SLC39A8: variants seen among roughly 807,000 people sequenced by gnomAD.
SLC39A8 encodes the protein solute carrier family 39 member 8, also known as metal cation symporter ZIP8.
Under a neutral mutation model 40.4 loss-of-function variants are expected in SLC39A8, and 15 were observed. The ratio of observed to expected loss-of-function variants is 0.37; its 90% CI spans 0.25 to 0.57. The LOEUF is 0.57. Ranked by LOEUF, SLC39A8 falls within the 20% of genes least tolerant of loss-of-function variation. The pLI is 0.75. For missense variants in SLC39A8, 472 were observed against 558.8 expected, an observed-to-expected ratio of 0.84 and a Z score of 1.57; for synonymous variants, 223 against 221.6, an observed-to-expected ratio of 1.01 and a Z score of -0.06.
At chr4:102,333,616 G>T (rs879400423) in intron 2 of SLC39A8, among the ~76,000 whole-genome samples, 1 of 152,168 alleles carries the variant, frequency 6.6e-6, no homozygotes, top group Non-Finnish European at 1.5e-5. Context: ...AGATGGAGTT[G>T]ATGAGTTTTG....
intron 6 of SLC39A8, among the ~76,000 whole-genome samples, chr4:102,274,948 G>A (rs1446536543): frequency 1.3e-5 from 2 of 152,162 alleles, no homozygotes; most frequent in African/African-American, 2.4e-5. Context: ...AGCTCTGAAG[G>A]AAGCAGTAAA....
intron 3 of SLC39A8, among the ~76,000 whole-genome samples, chr4:102,312,048 T>TA (rs1181404181): frequency 6.6e-6 from 1 of 152,064 alleles, no homozygotes; most frequent in Non-Finnish European, 1.5e-5. Flanking sequence ...TCTAGGCACT[T>TA]ACGTATATTA....
At chr4:102,265,976 G>A (rs886570161) in intron 8 of SLC39A8, among the ~76,000 whole-genome samples, 2 of 152,068 alleles carry the variant, frequency 1.3e-5, no homozygotes, top group South Asian at 2.1e-4. Flanking sequence ...AATCCTTCAC[G>A]TTTTACCTTA....
intron 6 of SLC39A8, among the ~76,000 whole-genome samples, chr4:102,285,042 T>C (rs2149018795): frequency 6.6e-6 from 1 of 152,328 alleles, no homozygotes; most frequent in South Asian, 2.1e-4. Context: ...AAAGGTTCGA[T>C]AAAGTCATGT....
intron 11 of SLC39A8, among the ~76,000 whole-genome samples, chr4:102,255,583 G>T (rs58379650): frequency 0.18 from 27,253 of 152,124 alleles, 2,731 homozygotes; most frequent in South Asian, 0.35. Context: ...AATTGACCCA[G>T]ACTGGGTGAC....
chr4:102,326,036 C>T (rs1044695434), intron 2 of SLC39A8, among the ~76,000 whole-genome samples: 1 of 152,186 alleles, frequency 6.6e-6, no homozygotes, highest in Non-Finnish European at 1.5e-5. Context: ...AGAGCACAGA[C>T]ACCCAATCTA....
intron 6 of SLC39A8, among the ~76,000 whole-genome samples, chr4:102,297,208 G>A (rs1458349397): frequency 6.6e-6 from 1 of 151,744 alleles, no homozygotes; most frequent in African/African-American, 2.4e-5. Context: ...GAGGAAGGCT[G>A]GTTAACAAAT....
In SLC39A8 at chr4:102,262,787, T is replaced by A. The variant is rs1731921693; in HGVS notation, c.*257A>T. The A allele has an allele frequency of 2.6e-5, 32 of 1,208,296 alleles. No homozygotes were observed. Among genetic ancestry groups the A allele is most frequent in the Non-Finnish European group, 3.2e-5 (31 of 968,704 alleles). 74.8% of individuals were successfully genotyped at this position (1,208,296 alleles called of 1,614,324 possible). Reference sequence around the variant, plus strand: ...GCTTCATGGTGATATCTAATATGCATGGAATACTGAAAAATAGGTATTTCC... The same window carrying A: ...GCTTCATGGTGATATCTAATATGCAAGGAATACTGAAAAATAGGTATTTCC... On this transcript the variant is annotated 3_prime_UTR_variant, in exon 9 of 9. Coordinates refer to ENST00000356736, the MANE Select transcript of SLC39A8 (RefSeq NM_001135146.2).
chr4:102,304,930 C>T, intron 5 of SLC39A8, 59 bp downstream of exon 5: 1 of 1,425,148 alleles, frequency 7.0e-7, no homozygotes, highest in Non-Finnish European at 9.5e-7. Flanking sequence ...TCTTTATTTG[C>T]CTATATAAAG....
chr4:102,278,364 G>T (rs748434768), intron 6 of SLC39A8, among the ~76,000 whole-genome samples: 7 of 152,200 alleles, frequency 4.6e-5, no homozygotes, highest in Non-Finnish European at 1.5e-5. Context: ...AGACATTTAT[G>T]TGGCCAACAA....
At chr4:102,337,375 A>G (rs1358615265) in intron 2 of SLC39A8, among the ~76,000 whole-genome samples, 1 of 152,196 alleles carries the variant, frequency 6.6e-6, no homozygotes, top group Non-Finnish European at 1.5e-5. Context: ...CCAAGATAAG[A>G]ATAAATCATG....
At chr4:102,264,140 AG>A (rs1232514290) in intron 8 of SLC39A8, among the ~76,000 whole-genome samples, 1 of 152,220 alleles carries the variant, frequency 6.6e-6, no homozygotes, top group African/African-American at 2.4e-5. Context: ...TACTTTGCCC[AG>A]ATGCATCAGA....
At chr4:102,292,444 G>C (rs1733486842) in intron 6 of SLC39A8, among the ~76,000 whole-genome samples, 1 of 152,002 alleles carries the variant, frequency 6.6e-6, no homozygotes. Context: ...TGTTCTCTTA[G>C]TCTATTCTGG....
chr4:102,282,700 T>C (rs1010534831), intron 6 of SLC39A8, among the ~76,000 whole-genome samples: 1 of 152,116 alleles, frequency 6.6e-6, no homozygotes, highest in Non-Finnish European at 1.5e-5. Context: ...TCCTCCTCTA[T>C]TCTAGTGATC....
In SLC39A8 at chr4:102,328,173, A is replaced by C. The variant is rs1397296252; in HGVS notation, c.220-12343T>G. On this transcript the variant is annotated intron_variant, in intron 2 of 8. Coordinates refer to ENST00000356736, the MANE Select transcript of SLC39A8 (RefSeq NM_001135146.2). ...GTTTTTTATGTGTGTAATTGGACCC[A>C]TGGAAATGCATGAATACCTATTCCA... Among the ~76,000 whole-genome samples, 10 of 152,208 alleles carry C rather than the reference A, an allele frequency of 6.6e-5. No homozygotes were observed. In the East Asian group the frequency reaches 1.9e-3, roughly 29 times the overall value.
At chr4:102,289,429 T>C (rs1481340543) in intron 6 of SLC39A8, among the ~76,000 whole-genome samples, 7 of 152,258 alleles carry the variant, frequency 4.6e-5, no homozygotes, top group Admixed American at 1.3e-4. Context: ...CTGAAGTCCA[T>C]GGGTCAAGGA....
intron 2 of SLC39A8, among the ~76,000 whole-genome samples, chr4:102,339,929 G>A (rs2149057079): frequency 6.6e-6 from 1 of 152,296 alleles, no homozygotes; most frequent in South Asian, 2.1e-4. Context: ...CACTAAGCAT[G>A]TGGGAGTTAT....
At chr4:102,258,121 T>G (rs1004021187), downstream of SLC39A8, among the ~76,000 whole-genome samples, 1 of 151,682 alleles carries the variant, frequency 6.6e-6, no homozygotes, top group Admixed American at 6.6e-5. Flanking sequence ...GTTTTTTTTT[T>G]TGAGACGGAG....
intron 2 of SLC39A8, among the ~76,000 whole-genome samples, chr4:102,329,168 C>A (rs890332241): frequency 1.3e-5 from 2 of 152,032 alleles, no homozygotes; most frequent in Non-Finnish European, 2.9e-5. Context: ...GAAAGCAGCA[C>A]TGAAGGTGAA....
Sources: allele counts gnomAD v4.1 joint callset (sites outside exome capture counted in the v4.1 genomes callset), GRCh38; gene constraint gnomAD v4.1.1; transcripts MANE v1.5; gene names NCBI Gene and HGNC (gene_info 2026-07-23, HGNC 2026-07-21).